Variants in AP3B1 observed in about 807,000 individuals in gnomAD.
AP3B1 encodes the protein AP-3 complex subunit beta-1.
AP3B1 carries 61 observed loss-of-function variants against 132.5 expected under a neutral mutation model. The observed-to-expected ratio is 0.46, with a 90% CI of 0.37 to 0.57. AP3B1 has a LOEUF of 0.57. Ranked by LOEUF, AP3B1 falls within the 20% of genes least tolerant of loss-of-function variation. AP3B1 has a pLI of 0.00. For missense variants in AP3B1, 1,120 were observed against 1,289.4 expected, an observed-to-expected ratio of 0.87 and a Z score of 2.01; for synonymous variants, 388 against 438.3, an observed-to-expected ratio of 0.89 and a Z score of 1.43.
At chr5:78,259,124 T>C (rs1747971751) in intron 2 of AP3B1, among the ~76,000 whole-genome samples, 1 of 151,942 alleles carries the variant, frequency 6.6e-6, no homozygotes, top group Non-Finnish European at 1.5e-5. Context: ...GGCAGGTGCC[T>C]GTAGTCCCAG....
intron 17 of AP3B1, among the ~76,000 whole-genome samples, chr5:78,124,199 G>T (rs1752362419): frequency 6.6e-6 from 1 of 152,222 alleles, no homozygotes; most frequent in East Asian, 1.9e-4. Flanking sequence ...GGACTGTTGT[G>T]GGGTGGGGCG....
chr5:78,064,278 C>T (rs959437636), intron 22 of AP3B1, among the ~76,000 whole-genome samples: 15 of 151,806 alleles, frequency 9.9e-5, no homozygotes, highest in Middle Eastern at 3.2e-3. Context: ...CTTATATACG[C>T]ATGTTTAGAG....
chr5:78,189,982 CAA>C (rs1215897824), intron 7 of AP3B1, among the ~76,000 whole-genome samples: 4 of 150,344 alleles, frequency 2.7e-5, no homozygotes, highest in African/African-American at 9.7e-5. Flanking sequence ...AAAAAGATTT[CAA>C]AAGAGTAATT....
At chr5:78,011,955 T>C (rs979492706) in intron 26 of AP3B1, among the ~76,000 whole-genome samples, 1 of 152,140 alleles carries the variant, frequency 6.6e-6, no homozygotes, top group East Asian at 1.9e-4. Context: ...ACTTATCATA[T>C]TGAAAATTTT....
intron 22 of AP3B1, among the ~76,000 whole-genome samples, chr5:78,078,853 T>C (rs538776981): frequency 6.6e-6 from 1 of 152,352 alleles, no homozygotes; most frequent in Non-Finnish European, 1.5e-5. Context: ...AATTAAGCTA[T>C]AATAAAGCCT....
At chr5:78,214,125 C>T (rs1474935411) in intron 7 of AP3B1, among the ~76,000 whole-genome samples, 2 of 152,122 alleles carry the variant, frequency 1.3e-5, no homozygotes, top group Non-Finnish European at 2.9e-5. Context: ...GGTTGGATTG[C>T]AAGTAAGTGG....
intron 14 of AP3B1, among the ~76,000 whole-genome samples, chr5:78,154,459 A>C (rs974251485): frequency 6.6e-6 from 1 of 152,046 alleles, no homozygotes; most frequent in African/African-American, 2.4e-5. Context: ...GAAGTTCTAT[A>C]ACCTTCTTGT....
intron 2 of AP3B1, among the ~76,000 whole-genome samples, chr5:78,257,465 G>T (rs994718377): frequency 6.6e-6 from 1 of 152,056 alleles, no homozygotes; most frequent in Non-Finnish European, 1.5e-5. Flanking sequence ...CTTAACCAAA[G>T]AAGTGAACTA....
chr5:78,093,742 A>C (rs1402418517), intron 21 of AP3B1, among the ~76,000 whole-genome samples: 1 of 152,226 alleles, frequency 6.6e-6, no homozygotes, highest in East Asian at 1.9e-4. Context: ...AGTAATGCCT[A>C]TCATGTGTTA....
chr5:78,106,255 C>T (rs557837912), intron 20 of AP3B1, among the ~76,000 whole-genome samples: 9 of 151,922 alleles, frequency 5.9e-5, no homozygotes, highest in African/African-American at 1.2e-4. Flanking sequence ...CCCAGGAGGT[C>T]GAGACCAGCC....
At chr5:78,080,993 T>G (rs1749976626) in intron 22 of AP3B1, among the ~76,000 whole-genome samples, 2 of 152,168 alleles carry the variant, frequency 1.3e-5, no homozygotes, top group Non-Finnish European at 2.9e-5. Flanking sequence ...AAGGATAGCT[T>G]GATCATTTCA....
intron 7 of AP3B1, among the ~76,000 whole-genome samples, chr5:78,191,118 C>T (rs1744809030): frequency 2.0e-5 from 3 of 151,974 alleles, no homozygotes; most frequent in Admixed American, 2.0e-4. Context: ...TTAGAGAACA[C>T]TTTTTAAAAA....
At chr5:78,014,477 A>G (rs1746773292) in intron 26 of AP3B1, among the ~76,000 whole-genome samples, 2 of 152,222 alleles carry the variant, frequency 1.3e-5, no homozygotes, top group African/African-American at 4.8e-5. Context: ...TACCAAGCCC[A>G]TTAGTGGCAG....
chr5:78,128,275 T>A, intron 16 of AP3B1, 115 bp from the exon 17 acceptor site: 1 of 969,192 alleles, frequency 1.0e-6, no homozygotes, highest in Non-Finnish European at 1.5e-6. Context: ...AAGGAATAAA[T>A]ATAGACTAGG....
At chr5:78,044,874 A>G (rs1329214126) in intron 22 of AP3B1, among the ~76,000 whole-genome samples, 1 of 152,232 alleles carries the variant, frequency 6.6e-6, no homozygotes, top group African/African-American at 2.4e-5. Context: ...GAAAAACAGT[A>G]TAATTCTCTC....
chr5:78,027,683 T>C (rs1268751792), intron 24 of AP3B1, among the ~76,000 whole-genome samples: 1 of 152,188 alleles, frequency 6.6e-6, no homozygotes, highest in Non-Finnish European at 1.5e-5. Context: ...ATTTTGCTTA[T>C]ATTTCTTTAT....
chr5:78,081,568 ATTAC>A (rs1466906477), intron 22 of AP3B1, among the ~76,000 whole-genome samples: 1 of 152,078 alleles, frequency 6.6e-6, no homozygotes, highest in Admixed American at 6.6e-5. Context: ...AAGTGCCAGG[ATTAC>A]AGGCGTGAGC....
intron 5 of AP3B1, among the ~76,000 whole-genome samples, chr5:78,226,937 G>A (rs185083504): frequency 9.9e-5 from 15 of 152,070 alleles, no homozygotes; most frequent in Non-Finnish European, 2.2e-4. Flanking sequence ...ATTAGACAAC[G>A]AAGGGAGCAG....
At chr5:78,008,504 T>C (rs1338147324) in intron 26 of AP3B1, among the ~76,000 whole-genome samples, 1 of 152,194 alleles carries the variant, frequency 6.6e-6, no homozygotes, top group Non-Finnish European at 1.5e-5. Flanking sequence ...AATGAACTGA[T>C]GCTCAGGGCC....
Sources: allele counts gnomAD v4.1 joint callset (sites outside exome capture counted in the v4.1 genomes callset), GRCh38; gene constraint gnomAD v4.1.1; transcripts MANE v1.5; gene names NCBI Gene and HGNC (gene_info 2026-07-23, HGNC 2026-07-21).